The following DIP2B variants were observed in gnomAD, a reference collection of about 807,000 sequenced individuals.
The protein encoded by DIP2B is DIP2 acetate--CoA ligase B (putative), also known as disco-interacting protein 2 homolog B.
Under a neutral mutation model 198.0 loss-of-function variants are expected in DIP2B, and 76 were observed. The ratio of observed to expected loss-of-function variants is 0.38; its 90% CI spans 0.32 to 0.46. DIP2B has a LOEUF of 0.46. Ranked by LOEUF, DIP2B falls within the 20% of genes least tolerant of loss-of-function variation. The pLI is 0.99. For missense variants in DIP2B, 1,559 were observed against 1,978.4 expected, an observed-to-expected ratio of 0.79 and a Z score of 4.02; for synonymous variants, 701 against 739.1, an observed-to-expected ratio of 0.95 and a Z score of 0.84.
chr12:50,748,353 T>G lies in DIP2B; in HGVS notation c.*3514T>G, dbSNP rs1940368533. ...GCCAAATACACAATAGGCCTTTTCTTTATCATTCATACGACATTTCTGGTT... is the reference window on the plus strand; with the variant it reads ...GCCAAATACACAATAGGCCTTTTCTGTATCATTCATACGACATTTCTGGTT... On this transcript the variant is annotated 3_prime_UTR_variant, in exon 38 of 38. Transcript: ENST00000301180. 1 of 152,664 alleles carries G rather than the reference T, an allele frequency of 6.6e-6. No individual in the cohort carries two copies. Among genetic ancestry groups the G allele is most frequent in the Admixed American group, 6.5e-5 (1 of 15,288 alleles). 9.5% of individuals were successfully genotyped at this position (152,664 alleles called of 1,614,324 possible).
At chr12:50,593,022 A>T (rs573328597) in intron 1 of DIP2B, among the ~76,000 whole-genome samples, 79 of 152,056 alleles carry the variant, frequency 5.2e-4, no homozygotes, top group African/African-American at 1.8e-3. Flanking sequence ...TATTCTCCGT[A>T]CTTCCTGAAT....
At position 50,640,624 on chromosome 12, in the gene DIP2B, T is replaced by G. The variant is rs1188290950; in HGVS notation, c.173-100T>G. On this transcript the variant is annotated intron_variant, in intron 2 of 37. Transcript: ENST00000301180. ...TAACCCTTTACTGTAGATGGGGTAA[T>G]AGTACCTAGCTCAGAGTATTGTGAG... 2.3e-6 allele frequency: 3 copies of G among 1,307,262 alleles called. No homozygotes were observed. The African/African-American group carries it at 4.5e-5, about 19-fold the overall frequency. The allele number at this position is 1,307,262 out of a possible 1,614,324, so 81.0% of individuals were successfully genotyped here.
chr12:50,607,068 A>G (rs1958988100), intron 1 of DIP2B, among the ~76,000 whole-genome samples: 1 of 151,584 alleles, frequency 6.6e-6, no homozygotes, highest in Non-Finnish European at 1.5e-5. Context: ...CTGCCTCCCA[A>G]AGTGCTGGGA....
chr12:50,516,909 G>A (rs796733339), intron 1 of DIP2B, among the ~76,000 whole-genome samples: 5 of 152,158 alleles, frequency 3.3e-5, no homozygotes, highest in African/African-American at 1.2e-4. Context: ...GAGCCCAGGA[G>A]ACGGAGGTTG....
chr12:50,596,375 G>C (rs1272697407), intron 1 of DIP2B, among the ~76,000 whole-genome samples: 1 of 152,198 alleles, frequency 6.6e-6, no homozygotes, highest in African/African-American at 2.4e-5. Flanking sequence ...ATGGTTGGAG[G>C]CAGGTCGTTA....
chr12:50,711,404 C>T (rs1026811708), intron 22 of DIP2B, among the ~76,000 whole-genome samples: 3 of 152,120 alleles, frequency 2.0e-5, no homozygotes, highest in Non-Finnish European at 2.9e-5. Flanking sequence ...ACATGTAGCA[C>T]ATTTGCTAAC....
intron 30 of DIP2B, among the ~76,000 whole-genome samples, chr12:50,730,323 C>A (rs908506859): frequency 1.3e-5 from 2 of 151,520 alleles, no homozygotes; most frequent in Non-Finnish European, 2.9e-5. Context: ...AATACTCTTT[C>A]TTTTTCTTCT....
At chr12:50,585,632 TG>T (rs1958763890) in intron 1 of DIP2B, among the ~76,000 whole-genome samples, 1 of 152,154 alleles carries the variant, frequency 6.6e-6, no homozygotes, top group African/African-American at 2.4e-5. Flanking sequence ...GAGAACTGGC[TG>T]AGAAGTAGAC....
intron 4 of DIP2B, among the ~76,000 whole-genome samples, chr12:50,667,594 G>A (rs772254245): frequency 6.6e-5 from 10 of 152,072 alleles, no homozygotes; most frequent in African/African-American, 2.2e-4. Context: ...AACTTTACCC[G>A]GATAGTTTCT....
At chr12:50,650,950 T>A (rs969349131) in intron 3 of DIP2B, among the ~76,000 whole-genome samples, 1 of 152,200 alleles carries the variant, frequency 6.6e-6, no homozygotes, top group African/African-American at 2.4e-5. Context: ...TTCCCATTTC[T>A]CCAAATCCTC....
chr12:50,505,527 C>T (rs958167992), intron 1 of DIP2B, among the ~76,000 whole-genome samples: 1 of 152,188 alleles, frequency 6.6e-6, no homozygotes, highest in African/African-American at 2.4e-5. Flanking sequence ...CGAGACAAAG[C>T]TGCGCCCTCC....
chr12:50,602,688 G>A lies in DIP2B; in HGVS notation c.101-23288G>A, dbSNP rs569144700. On this transcript the variant is annotated intron_variant, in intron 1 of 37. Coordinates refer to ENST00000301180, the MANE Select transcript of DIP2B (RefSeq NM_173602.3). ...ATCCTGGCCAACATGGTGAAACCAC[G>A]TCTCTACTAAAAATACAAAACTTAG... Among the ~76,000 whole-genome samples the A allele has an allele frequency of 7.6e-4, 115 of 151,706 alleles. 1 individual carries two copies. Among genetic ancestry groups the A allele is most frequent in the Middle Eastern group, 6.8e-3 (2 of 294 alleles).
At chr12:50,742,420 A>AAAAAC (rs1940266865) in intron 37 of DIP2B, among the ~76,000 whole-genome samples, 1 of 77,678 alleles carries the variant, frequency 1.3e-5, no homozygotes, top group African/African-American at 3.7e-5. Context: ...AAAAAAAAAA[A>AAAAAC]AACCACCTCT....
At chr12:50,555,594 A>G (rs1958463639) in intron 1 of DIP2B, among the ~76,000 whole-genome samples, 1 of 149,740 alleles carries the variant, frequency 6.7e-6, no homozygotes, top group Non-Finnish European at 1.5e-5. Flanking sequence ...GCTGCCCTTT[A>G]TCTCCTCTCT....
At chr12:50,608,467 C>T (rs976076107) in intron 1 of DIP2B, among the ~76,000 whole-genome samples, 1 of 151,586 alleles carries the variant, frequency 6.6e-6, no homozygotes, top group Non-Finnish European at 1.5e-5. Flanking sequence ...ACTGAAAATA[C>T]AAAACATAGC....
intron 2 of DIP2B, among the ~76,000 whole-genome samples, chr12:50,635,235 C>T (rs1420510218): frequency 1.3e-5 from 2 of 152,126 alleles, no homozygotes; most frequent in Non-Finnish European, 2.9e-5. Context: ...CATCCTGTGA[C>T]TTACTTCGTC....
intron 1 of DIP2B, among the ~76,000 whole-genome samples, chr12:50,560,238 CAA>C (rs1344578784): frequency 1.3e-5 from 2 of 151,558 alleles, no homozygotes; most frequent in East Asian, 3.9e-4. Context: ...ACTAAAAATA[CAA>C]AAAAATTAGC....
chr12:50,633,669 G>T (rs1466651653), intron 2 of DIP2B, among the ~76,000 whole-genome samples: 1 of 152,182 alleles, frequency 6.6e-6, no homozygotes, highest in Non-Finnish European at 1.5e-5. Flanking sequence ...AGGAGGCTGA[G>T]GTGGGAGGAT....
At chr12:50,593,477 C>T (rs1958837333) in intron 1 of DIP2B, among the ~76,000 whole-genome samples, 2 of 151,588 alleles carry the variant, frequency 1.3e-5, no homozygotes, top group Non-Finnish European at 2.9e-5. Flanking sequence ...TACACTCCAT[C>T]CTGCCAACAA....
Sources: gnomAD v4.1 joint callset for allele counts (sites outside exome capture counted in the v4.1 genomes callset) on GRCh38, gnomAD v4.1.1 for gene constraint, MANE v1.5 for transcripts, NCBI Gene and HGNC (gene_info 2026-07-23, HGNC 2026-07-21) for gene names.